CTNND2: variants seen among roughly 807,000 people sequenced by gnomAD.
CTNND2 encodes catenin delta-2.
CTNND2 carries 22 observed loss-of-function variants against 144.4 expected under a neutral mutation model. The observed-to-expected ratio is 0.15, with a 90% CI of 0.11 to 0.22. The LOEUF (loss-of-function observed/expected upper bound fraction) is 0.22, where lower values mean the gene tolerates loss of function less well. Ranked by LOEUF, CTNND2 falls within the 10% of genes least tolerant of loss-of-function variation. The probability of loss-of-function intolerance (pLI) is 1.00; values close to 1 mark genes in which losing one functional copy is unlikely to be tolerated. For synonymous variants in CTNND2, 751 were observed against 695.6 expected, an observed-to-expected ratio of 1.08 and a Z score of -1.25; for missense variants, 1,353 against 1,618.8, an observed-to-expected ratio of 0.84 and a Z score of 2.82.
chr5:11,728,037 G>A (rs1177097868), intron 2 of CTNND2, among the ~76,000 whole-genome samples: 1 of 152,188 alleles, frequency 6.6e-6, no homozygotes, highest in Non-Finnish European at 1.5e-5. Context: ...TAAAAAGGAA[G>A]GCATGCTATC....
chr5:11,701,989 C>A (rs568636989), intron 2 of CTNND2, among the ~76,000 whole-genome samples: 107 of 152,284 alleles, frequency 7.0e-4, no homozygotes, highest in South Asian at 1.9e-3. Context: ...AAGCAGGACA[C>A]AAGCAAAGGC....
chr5:11,574,035 T>C (rs1193411106), intron 2 of CTNND2, among the ~76,000 whole-genome samples: 2 of 152,108 alleles, frequency 1.3e-5, no homozygotes, highest in Non-Finnish European at 2.9e-5. Flanking sequence ...TATGGGTGAC[T>C]CTAAACTCTA....
intron 2 of CTNND2, among the ~76,000 whole-genome samples, chr5:11,585,816 T>C (rs1778815402): frequency 6.6e-6 from 1 of 151,680 alleles, no homozygotes; most frequent in Non-Finnish European, 1.5e-5. Flanking sequence ...AATGAGGAGG[T>C]GAGGCGTGTG....
intron 9 of CTNND2, among the ~76,000 whole-genome samples, chr5:11,310,668 C>T (rs1309834179): frequency 6.6e-6 from 1 of 151,764 alleles, no homozygotes; most frequent in African/African-American, 2.4e-5. Flanking sequence ...TCTTTCTCTG[C>T]CTTTCCCCAG....
chr5:11,674,503 T>A (rs1396372098), intron 2 of CTNND2, among the ~76,000 whole-genome samples: 1 of 152,194 alleles, frequency 6.6e-6, no homozygotes, highest in Non-Finnish European at 1.5e-5. Context: ...TTATAACTGA[T>A]GAATCTACAG....
At chr5:11,571,082 C>G (rs1245386011) in intron 2 of CTNND2, among the ~76,000 whole-genome samples, 1 of 152,108 alleles carries the variant, frequency 6.6e-6, no homozygotes, top group Non-Finnish European at 1.5e-5. Flanking sequence ...TTTTAATTTG[C>G]ATCTGGTATT....
chr5:11,818,455 G>A (rs1793136819), intron 1 of CTNND2, among the ~76,000 whole-genome samples: 2 of 151,154 alleles, frequency 1.3e-5, no homozygotes, highest in African/African-American at 4.9e-5. Context: ...TGCAACCTCT[G>A]CCTCTTGGGT....
chr5:11,029,613 A>G (rs1743230671), intron 16 of CTNND2, among the ~76,000 whole-genome samples: 1 of 152,232 alleles, frequency 6.6e-6, no homozygotes, highest in Non-Finnish European at 1.5e-5. Flanking sequence ...ATCTTTAAAC[A>G]TTGTGTGTCC....
chr5:11,398,231 C>T (rs1267365278), intron 5 of CTNND2, among the ~76,000 whole-genome samples: 1 of 152,116 alleles, frequency 6.6e-6, no homozygotes, highest in Non-Finnish European at 1.5e-5. Context: ...TTCTTGATCC[C>T]CCTCTTTGGC....
intron 9 of CTNND2, among the ~76,000 whole-genome samples, chr5:11,269,596 T>C (rs1745791069): frequency 6.6e-6 from 1 of 152,194 alleles, no homozygotes; most frequent in African/African-American, 2.4e-5. Context: ...GATTGCTATG[T>C]TTAATATAAA....
chr5:11,666,026 T>C (rs770762870), intron 2 of CTNND2, among the ~76,000 whole-genome samples: 8 of 152,298 alleles, frequency 5.3e-5, no homozygotes, highest in Non-Finnish European at 7.4e-5. Flanking sequence ...GCAGTGACCA[T>C]ATGATTATTA....
intron 2 of CTNND2, among the ~76,000 whole-genome samples, chr5:11,567,072 A>T (rs1003863952): frequency 1.3e-5 from 2 of 152,018 alleles, no homozygotes; most frequent in African/African-American, 4.8e-5. Flanking sequence ...TCTTGTTTGC[A>T]CTGTTTCTAA....
At chr5:11,659,143 TAAAAC>T (rs1347987990) in intron 2 of CTNND2, among the ~76,000 whole-genome samples, 5 of 152,036 alleles carry the variant, frequency 3.3e-5, no homozygotes, top group Admixed American at 2.6e-4. Flanking sequence ...ATTTTAAAAA[TAAAAC>T]AATACAAATA....
At chr5:11,588,456 C>T (rs996083997) in intron 2 of CTNND2, among the ~76,000 whole-genome samples, 1 of 152,006 alleles carries the variant, frequency 6.6e-6, no homozygotes, top group Non-Finnish European at 1.5e-5. Flanking sequence ...TTACTAAAAA[C>T]AATAATTAAA....
intron 3 of CTNND2, among the ~76,000 whole-genome samples, chr5:11,498,254 T>A (rs549403582): frequency 6.6e-6 from 1 of 151,208 alleles, no homozygotes; most frequent in Non-Finnish European, 1.5e-5. Context: ...CAAACACACA[T>A]ACACATATGC....
At chr5:11,379,778 C>G (rs1758294464) in intron 7 of CTNND2, among the ~76,000 whole-genome samples, 1 of 152,122 alleles carries the variant, frequency 6.6e-6, no homozygotes, top group African/African-American at 2.4e-5. Context: ...CCAGCCTCCA[C>G]ACACTGCCCA....
intron 1 of CTNND2, among the ~76,000 whole-genome samples, chr5:11,762,685 A>G (rs1789340168): frequency 6.6e-6 from 1 of 152,162 alleles, no homozygotes; most frequent in African/African-American, 2.4e-5. Context: ...TTCACGAATA[A>G]TAAGTTTATC....
intron 3 of CTNND2, among the ~76,000 whole-genome samples, chr5:11,458,742 T>C (rs918120151): frequency 2.0e-5 from 3 of 152,112 alleles, no homozygotes; most frequent in Non-Finnish European, 4.4e-5. Flanking sequence ...CCGGTCTAAC[T>C]CAAAGATTTG....
At chr5:11,358,612 A>G (rs73742811) in intron 8 of CTNND2, among the ~76,000 whole-genome samples, 3,240 of 152,320 alleles carry the variant, frequency 0.021, 114 homozygotes, top group African/African-American at 0.073. Flanking sequence ...TTTAATTAAA[A>G]TATTTTTGAT....
Sources: gnomAD v4.1 joint callset for allele counts (sites outside exome capture counted in the v4.1 genomes callset) on GRCh38, gnomAD v4.1.1 for gene constraint, MANE v1.5 for transcripts, NCBI Gene and HGNC (gene_info 2026-07-23, HGNC 2026-07-21) for gene names.